The following NPTN variants were observed in gnomAD, a reference collection of about 807,000 sequenced individuals.
NPTN encodes the protein neuroplastin, also known as SDR-1.
Under a neutral mutation model 42.7 loss-of-function variants are expected in NPTN, and 5 were observed. That is an observed-to-expected ratio of 0.12 (90% CI 0.06 to 0.25). NPTN has a LOEUF of 0.25. NPTN is among the 10% of genes least tolerant of loss of function. NPTN has a pLI of 1.00. For synonymous variants in NPTN, 180 were observed against 201.9 expected (o/e 0.89, Z 0.92); for missense variants, 307 against 525.4 (o/e 0.58, Z 4.06).
intron 1 of NPTN, among the ~76,000 whole-genome samples, chr15:73,599,938 G>A (rs2141414699): frequency 6.6e-6 from 1 of 152,272 alleles, no homozygotes; most frequent in East Asian, 1.9e-4. Flanking sequence ...GTACTTCAAA[G>A]CAGCCTTAGA....
At chr15:73,578,891 G>A (rs1193488614) in intron 4 of NPTN, among the ~76,000 whole-genome samples, 1 of 151,718 alleles carries the variant, frequency 6.6e-6, no homozygotes, top group Non-Finnish European at 1.5e-5. Flanking sequence ...TACTTGGGAG[G>A]CTGAGGCGAG....
rs140712887 is a variant in NPTN, at chr15:73,590,416, A to G, written c.611+1550T>C. Among the ~76,000 whole-genome samples, 39 of 152,192 alleles carry G rather than the reference A, an allele frequency of 2.6e-4. No individual in the cohort carries two copies. In the East Asian group the frequency reaches 7.0e-3, roughly 27 times the overall value. On this transcript the variant is annotated intron_variant, in intron 3 of 8. Coordinates refer to ENST00000345330, the MANE Select transcript of NPTN (RefSeq NM_012428.4). Reference sequence around the variant, plus strand: ...AGCACTTTGCAGGCAATAGTACAAGACCCAAGAGAAACATGATTGGATGTC... The same window carrying G: ...AGCACTTTGCAGGCAATAGTACAAGGCCCAAGAGAAACATGATTGGATGTC...
chr15:73,565,726 G>C, intron 6 of NPTN: 1 of 456,402 alleles, frequency 2.2e-6, no homozygotes, highest in Non-Finnish European at 4.4e-6. Flanking sequence ...GGGGATAATG[G>C]AAACAAGATG....
At chr15:73,568,618 T>G (rs1206264823) in intron 6 of NPTN, 1 of 985,300 alleles carries the variant, frequency 1.0e-6, no homozygotes. Flanking sequence ...TAGGAGTACA[T>G]GAAATCCCAA....
At chr15:73,566,598 G>A (rs1382941009) in intron 6 of NPTN, among the ~76,000 whole-genome samples, 1 of 152,214 alleles carries the variant, frequency 6.6e-6, no homozygotes, top group Non-Finnish European at 1.5e-5. Flanking sequence ...GGCCTGGGGA[G>A]GGGAGACTCA....
intron 2 of NPTN, among the ~76,000 whole-genome samples, chr15:73,592,425 G>C (rs1896636686): frequency 3.3e-5 from 5 of 152,130 alleles, no homozygotes; most frequent in Admixed American, 3.3e-4. Context: ...TTACGTTTTT[G>C]AATACCACCT....
intron 1 of NPTN, among the ~76,000 whole-genome samples, chr15:73,611,631 T>A (rs1897584721): frequency 6.6e-6 from 1 of 152,212 alleles, no homozygotes; most frequent in Admixed American, 6.5e-5. Context: ...AGGGGATTTT[T>A]AGGACAGTGA....
Position 73,570,384 on chromosome 15 carries a change from T to C in NPTN, c.880A>G (p.Lys294Glu), listed in dbSNP as rs1566959462. 4 of 1,613,730 alleles carry C rather than the reference T, an allele frequency of 2.5e-6. No individual in the cohort carries two copies. The highest frequency in any genetic ancestry group is 4.5e-5 in the East Asian group (2 of 44,880). ...NTSGRFFIIN[K>E]ENYTELNIVN... is the part of the protein sequence containing the mutation. ...ATGTTCAACTCAGTGTAATTTTCCT[T>C]GTTGATGATGAAGAAGCGGCCAGAG... Residue 294 changes from lysine to glutamate, a missense_variant, in exon 6 of 9, where the codon AAG becomes GAG. Lys to Glu is a moderately conservative substitution (Grantham distance 56). Coordinates refer to ENST00000345330, the MANE Select transcript of NPTN (RefSeq NM_012428.4). This position sits in a 1 kb window ranked among gnomAD's most constrained non-coding sequence, Gnocchi z 4.0.
chr15:73,633,295 G>A lies in NPTN; in HGVS notation c.-80C>T, dbSNP rs932826169. 6 of 990,740 alleles carry A rather than the reference G, an allele frequency of 6.1e-6. No homozygotes were observed. In the South Asian group the frequency reaches 9.6e-5, roughly 16 times the overall value. 61.4% of individuals were successfully genotyped at this position (990,740 alleles called of 1,614,324 possible). A position where few individuals can be genotyped will look rare whatever the true frequency, so the allele number is the denominator to read the frequency against. ...GGAAGGGAGGGGAGGGAGGGAGGGG[G>A]CGGGCGAGTGCGCGAGGGAGTGAGC... On this transcript the variant is annotated 5_prime_UTR_variant, in exon 1 of 9. Transcript: ENST00000345330.
At chr15:73,624,127 A>G (rs1010661473) in intron 1 of NPTN, among the ~76,000 whole-genome samples, 5 of 152,212 alleles carry the variant, frequency 3.3e-5, no homozygotes, top group African/African-American at 9.6e-5. Flanking sequence ...CCATCAACAT[A>G]GATTCTATGT....
rs1312794467 is a variant in NPTN at position 73,571,489 on chromosome 15, G to A, written c.841-1066C>T. 2.0e-5 allele frequency among the ~76,000 whole-genome samples: 3 copies of A among 152,142 alleles called. No homozygotes were observed. In the South Asian group the frequency reaches 6.2e-4, roughly 32 times the overall value. On this transcript the variant is annotated intron_variant, in intron 5 of 8. Transcript: ENST00000345330. ...CAGAGCGTGTGTATAGAGTGCTGTA[G>A]GGCACAGTGAGTGGCCACTGCTGGA...
chr15:73,583,722 T>C (rs1490046992), intron 4 of NPTN, among the ~76,000 whole-genome samples: 1 of 152,198 alleles, frequency 6.6e-6, no homozygotes, highest in South Asian at 2.1e-4. Context: ...GCAGGTTGCT[T>C]TGACATCAGT....
chr15:73,561,234 C>G (rs1340855433), intron 8 of NPTN, among the ~76,000 whole-genome samples, 186 bp from the exon 9 acceptor site: 1 of 152,162 alleles, frequency 6.6e-6, no homozygotes, highest in Non-Finnish European at 1.5e-5. Context: ...CTTGTCTTGC[C>G]CCCAGACGTG....
At chr15:73,572,449 G>A (rs1398303666) in intron 5 of NPTN, among the ~76,000 whole-genome samples, 1 of 152,188 alleles carries the variant, frequency 6.6e-6, no homozygotes, top group African/African-American at 2.4e-5. Context: ...CCACTGATCG[G>A]AAAAGATGTT....
intron 4 of NPTN, among the ~76,000 whole-genome samples, chr15:73,582,280 T>C (rs900488326): frequency 1.3e-5 from 2 of 152,220 alleles, no homozygotes; most frequent in African/African-American, 2.4e-5. Flanking sequence ...GCTTCCTTCA[T>C]GCAACCTATC....
chr15:73,628,846 C>G (rs1226585384), intron 1 of NPTN, among the ~76,000 whole-genome samples: 1 of 151,974 alleles, frequency 6.6e-6, no homozygotes, highest in East Asian at 1.9e-4. Flanking sequence ...GCATATTCCA[C>G]AAAAGAAACT....
chr15:73,607,971 G>T (rs1185746320), intron 1 of NPTN, among the ~76,000 whole-genome samples: 20 of 152,032 alleles, frequency 1.3e-4, no homozygotes, highest in Admixed American at 1.3e-3. Flanking sequence ...TTAAATGGAA[G>T]GAAAACAAAG....
intron 1 of NPTN, among the ~76,000 whole-genome samples, chr15:73,624,444 C>T (rs1195064805): frequency 1.6e-4 from 25 of 152,018 alleles, no homozygotes; most frequent in Non-Finnish European, 5.9e-5. Context: ...TCCAGTTGTT[C>T]GGCAATGATT....
Position 73,597,441 on chromosome 15 carries a change from T to G in NPTN, c.92-72A>C. ...AAAAAAAAGAATCAACAGGTGTTAA[T>G]AGTAATTTAAAGAAAAGAAAAGAAA... On this transcript the variant is annotated intron_variant, in intron 1 of 8. Transcript: ENST00000345330. The surrounding 1 kb of genome is among the most constrained non-coding windows in gnomAD (Gnocchi z 6.3). The G allele has an allele frequency of 8.6e-7, 1 of 1,158,812 alleles. No individual in the cohort carries two copies. The highest frequency in any genetic ancestry group is 1.5e-5 in the South Asian group (1 of 65,522). The allele number at this position is 1,158,812 out of a possible 1,614,324, so 71.8% of individuals were successfully genotyped here. A position where few individuals can be genotyped will look rare whatever the true frequency, so the allele number is the denominator to read the frequency against.
Sources: gnomAD v4.1 joint callset for allele counts (sites outside exome capture counted in the v4.1 genomes callset) on GRCh38, gnomAD v4.1.1 for gene constraint, Gnocchi (gnomAD v3.1) non-coding constraint, MANE v1.5 for transcripts, NCBI Gene and HGNC (gene_info 2026-07-23, HGNC 2026-07-21) for gene names.